FBXO11: variants seen among roughly 807,000 people sequenced by gnomAD.
FBXO11 encodes F-box only protein 11.
FBXO11 carries 13 observed loss-of-function variants against 117.0 expected under a neutral mutation model. The ratio of observed to expected loss-of-function variants is 0.11; its 90% CI spans 0.07 to 0.18. The LOEUF (loss-of-function observed/expected upper bound fraction) is 0.18. Ranked by LOEUF, FBXO11 falls within the 10% of genes least tolerant of loss-of-function variation. The pLI, the probability that FBXO11 is intolerant of heterozygous loss-of-function variation, is 1.00. For synonymous variants in FBXO11, 490 were observed against 380.5 expected (o/e 1.29, Z -3.35); for missense variants, 767 against 1,164.4 (o/e 0.66, Z 4.97).
intron 11 of FBXO11, among the ~76,000 whole-genome samples, chr2:47,826,994 T>C (rs564554348): frequency 6.6e-6 from 1 of 152,366 alleles, no homozygotes; most frequent in African/African-American, 2.4e-5. Context: ...TTGGCTGCCC[T>C]GGTCACAGGC....
At chr2:47,830,927 T>G (rs1182896568) in intron 11 of FBXO11, among the ~76,000 whole-genome samples, 1 of 152,072 alleles carries the variant, frequency 6.6e-6, no homozygotes, top group Non-Finnish European at 1.5e-5. Flanking sequence ...AGCCCCCAAG[T>G]AGCTGGGACT....
chr2:47,879,442 T>G (rs1676273793), intron 1 of FBXO11, among the ~76,000 whole-genome samples: 1 of 152,224 alleles, frequency 6.6e-6, no homozygotes, highest in South Asian at 2.1e-4. Context: ...GCCCAACTTT[T>G]GTTTTTGCCT....
intron 1 of FBXO11, among the ~76,000 whole-genome samples, chr2:47,882,546 T>A (rs1463470580): frequency 6.6e-6 from 1 of 152,234 alleles, no homozygotes; most frequent in African/African-American, 2.4e-5. Context: ...TTTCTAAAAC[T>A]TAAAAAAATA....
chr2:47,827,091 T>G (rs1470055561), intron 11 of FBXO11, among the ~76,000 whole-genome samples: 2 of 152,234 alleles, frequency 1.3e-5, no homozygotes, highest in Non-Finnish European at 1.5e-5. Context: ...GTTTATAATC[T>G]GTATCTTTTG....
chr2:47,863,834 G>A (rs564250875), intron 1 of FBXO11, among the ~76,000 whole-genome samples: 1 of 152,120 alleles, frequency 6.6e-6, no homozygotes, highest in Non-Finnish European at 1.5e-5. Context: ...CCAGCTAATT[G>A]GGAGGTTGAG....
intron 1 of FBXO11, among the ~76,000 whole-genome samples, chr2:47,874,454 A>G (rs1675849000): frequency 6.6e-6 from 1 of 152,168 alleles, no homozygotes; most frequent in African/African-American, 2.4e-5. Flanking sequence ...AACTTTTAAA[A>G]TAAATTTTAA....
chr2:47,831,435 A>G (rs1250861994), intron 11 of FBXO11, among the ~76,000 whole-genome samples: 2 of 150,428 alleles, frequency 1.3e-5, no homozygotes, highest in Admixed American at 1.3e-4. Context: ...AAGAAAAAAA[A>G]AAAAAAAAAA....
chr2:47,832,959 C>G lies in FBXO11; in HGVS notation c.1041+5G>C. 1 of 1,607,566 alleles carries G rather than the reference C, an allele frequency of 6.2e-7. No individual in the cohort carries two copies. Among genetic ancestry groups the G allele is most frequent in the South Asian group, 1.1e-5 (1 of 90,942 alleles). On this transcript the variant is annotated splice_donor_5th_base_variant and intron_variant, in intron 8 of 22. Transcript: ENST00000403359. ...ATGTGTATTTTAAATCTTAACATGT[C>G]TTACCCTTATTGTCATATATCCAAC... is the stretch of plus-strand genomic sequence containing the variant.
chr2:47,815,241 G>A (rs1483565019), intron 16 of FBXO11, among the ~76,000 whole-genome samples: 1 of 152,194 alleles, frequency 6.6e-6, no homozygotes, highest in Admixed American at 6.5e-5. Flanking sequence ...CAAAGGATCT[G>A]GCCTAACGGT....
intron 1 of FBXO11, chr2:47,883,353 T>G (rs1209277102): frequency 9.4e-6 from 2 of 211,806 alleles, no homozygotes; most frequent in Non-Finnish European, 2.0e-5. Context: ...GAGTGTGTGC[T>G]CTTCTGCTGC....
In FBXO11 at chr2:47,830,563, T is replaced by G. The variant is rs530189742; in HGVS notation, c.1398+1786A>C. Reference sequence around the variant, plus strand: ...AACCTTTGCAAAATAAAAATAAAAATGATGGGGTGGAGATAGATTGAAATA... The same window carrying G: ...AACCTTTGCAAAATAAAAATAAAAAGGATGGGGTGGAGATAGATTGAAATA... On this transcript the variant is annotated intron_variant, in intron 11 of 22. Transcript: ENST00000403359. 3.3e-5 allele frequency among the ~76,000 whole-genome samples: 5 copies of G among 152,138 alleles called. No individual in the cohort carries two copies. In the South Asian group the frequency reaches 1.0e-3, roughly 32 times the overall value.
Position 47,832,332 on chromosome 2 carries a change from AAAAT to A in FBXO11, c.1398+13_1398+16del, listed in dbSNP as rs67864921. 0.24 allele frequency: 372,217 copies of A among 1,566,734 alleles called. 46,520 individuals carry two copies. Among genetic ancestry groups the A allele is most frequent in the Admixed American group, 0.29 (14,397 of 50,074 alleles). On this transcript the variant is annotated intron_variant, in intron 11 of 22. Transcript: ENST00000403359. ...GATACAGAAGTCCGTTTTTCTATTA[AAAAT>A]AAGTGTTCTTACCATGCCATGATCA...
At chr2:47,877,607 T>G (rs1193645058) in intron 1 of FBXO11, among the ~76,000 whole-genome samples, 2 of 152,210 alleles carry the variant, frequency 1.3e-5, no homozygotes, top group African/African-American at 4.8e-5. Context: ...TATCTTTGTG[T>G]GCTTACCTTA....
rs142541866 is a variant in FBXO11 at position 47,893,048 on chromosome 2, C to A, written c.232+12441G>T. 3.3e-5 allele frequency among the ~76,000 whole-genome samples: 5 copies of A among 151,836 alleles called. No homozygotes were observed. The East Asian group carries it at 7.7e-4, about 24-fold the overall frequency. On this transcript the variant is annotated intron_variant, in intron 1 of 22. Coordinates refer to ENST00000403359, the MANE Select transcript of FBXO11 (RefSeq NM_001190274.2). ...CACGTGCCTGTAATCCCAGCTAATC[C>A]GGAGGCTGAGGCACAAGAACTGCTT...
intron 1 of FBXO11, among the ~76,000 whole-genome samples, chr2:47,858,753 C>G (rs1674515790): frequency 6.7e-6 from 1 of 148,630 alleles, no homozygotes; most frequent in African/African-American, 2.5e-5. Context: ...ACTGACTTAT[C>G]TAGAAAAAGG....
chr2:47,878,368 CTTTTT>C (rs1294032121), intron 1 of FBXO11, among the ~76,000 whole-genome samples: 2 of 148,624 alleles, frequency 1.3e-5, no homozygotes, highest in Non-Finnish European at 3.0e-5. Flanking sequence ...TTTTTTTTTT[CTTTTT>C]TTAAGACAGA....
intron 1 of FBXO11, among the ~76,000 whole-genome samples, chr2:47,869,334 C>A (rs1675437620): frequency 6.6e-6 from 1 of 152,184 alleles, no homozygotes; most frequent in South Asian, 2.1e-4. Flanking sequence ...CCATTTTGGA[C>A]TCCTTATGCC....
intron 1 of FBXO11, among the ~76,000 whole-genome samples, chr2:47,871,957 AT>A (rs1675656047): frequency 6.6e-6 from 1 of 152,162 alleles, no homozygotes; most frequent in Non-Finnish European, 1.5e-5. Flanking sequence ...ACAAGAGCTC[AT>A]TTTTGTTCTT....
chr2:47,839,896 C>A, intron 1 of FBXO11, 127 bp from the exon 2 acceptor site: 1 of 717,574 alleles, frequency 1.4e-6, no homozygotes, highest in Non-Finnish European at 2.2e-6. Flanking sequence ...AAATTCCAAC[C>A]AACTGGATAG....
Sources: allele counts gnomAD v4.1 joint callset (sites outside exome capture counted in the v4.1 genomes callset), GRCh38; gene constraint gnomAD v4.1.1; transcripts MANE v1.5; gene names NCBI Gene and HGNC (gene_info 2026-07-23, HGNC 2026-07-21).